FOXN4: variants seen among roughly 807,000 people sequenced by gnomAD.
FOXN4 encodes forkhead box N4.
Under a neutral mutation model 45.0 loss-of-function variants are expected in FOXN4, and 12 were observed. That is an observed-to-expected ratio of 0.27 (90% CI 0.17 to 0.43). The LOEUF is 0.43. Ranked by LOEUF, FOXN4 falls within the 20% of genes least tolerant of loss-of-function variation. FOXN4 has a pLI of 1.00. For missense variants in FOXN4, 560 were observed against 694.9 expected (o/e 0.81, Z 2.18); for synonymous variants, 297 against 295.0 (o/e 1.01, Z -0.07).
At chr12:109,295,659 G>A (rs914138356) in intron 2 of FOXN4, among the ~76,000 whole-genome samples, 16 of 152,374 alleles carry the variant, frequency 1.1e-4, no homozygotes, top group Admixed American at 3.3e-4. Flanking sequence ...GGCGGCGTGC[G>A]CCTGTAATCC....
chr12:109,298,556 T>G (rs1417964921), intron 2 of FOXN4, among the ~76,000 whole-genome samples: 1 of 151,360 alleles, frequency 6.6e-6, no homozygotes, highest in East Asian at 1.9e-4. Context: ...AGAGAGAGAG[T>G]TTCACCACGT....
At position 109,285,519 on chromosome 12, in the gene FOXN4, G is replaced by A. The variant is rs991549980; in HGVS notation, c.694-8C>T. 3 of 1,613,728 alleles carry A rather than the reference G, an allele frequency of 1.9e-6. No individual in the cohort carries two copies. The African/African-American group carries it at 4.0e-5, about 22-fold the overall frequency. ...CCACCCGTCGGGGGCCGTCTATGAA[G>A]ACACATGGGCATTCAGAGGCCTCCC... On this transcript the variant is annotated splice_region_variant and splice_polypyrimidine_tract_variant and intron_variant, in intron 7 of 9. Coordinates refer to ENST00000299162, the MANE Select transcript of FOXN4 (RefSeq NM_213596.3).
intron 8 of FOXN4, among the ~76,000 whole-genome samples, chr12:109,284,674 ATG>A (rs1491189068): frequency 6.9e-6 from 1 of 144,650 alleles, no homozygotes; most frequent in Non-Finnish European, 1.5e-5. Flanking sequence ...GTGTGCGCAC[ATG>A]TGTGTGTGTG....
chr12:109,288,539 C>A lies in FOXN4; in HGVS notation c.233-359G>T, dbSNP rs1407972067. ...AATAATAAATGATAATTGATTATGT[C>A]CTTCATGAAGCTAAAACACCAATTC... On this transcript the variant is annotated intron_variant, in intron 3 of 9. Coordinates refer to ENST00000299162, the MANE Select transcript of FOXN4 (RefSeq NM_213596.3). This position sits in a 1 kb window ranked among gnomAD's most constrained non-coding sequence, Gnocchi z 4.3. 1.3e-5 allele frequency among the ~76,000 whole-genome samples: 2 copies of A among 152,172 alleles called. No homozygotes were observed. The highest frequency in any genetic ancestry group is 2.9e-5 in the Non-Finnish European group (2 of 68,030).
intron 2 of FOXN4, among the ~76,000 whole-genome samples, chr12:109,299,410 G>A (rs866832820): frequency 6.6e-6 from 1 of 151,844 alleles, no homozygotes; most frequent in African/African-American, 2.4e-5. Flanking sequence ...CAACACACAC[G>A]TGCATGTAAA....
Position 109,288,241 on chromosome 12 carries a change from CA to C in FOXN4, c.233-62del. 6.6e-7 allele frequency: 1 copy of C among 1,521,756 alleles called. No individual in the cohort carries two copies. The highest frequency in any genetic ancestry group is 8.8e-7 in the Non-Finnish European group (1 of 1,140,264). 94.3% of individuals were successfully genotyped at this position (1,521,756 alleles called of 1,614,324 possible). ...GAGGAATGGTGGCTGCCACCAGGAA[CA>C]GCCCAGTGCCCAGGTGTCTCCGGAG... On this transcript the variant is annotated intron_variant, in intron 3 of 9. Transcript: ENST00000299162. The surrounding 1 kb of genome is among the most constrained non-coding windows in gnomAD (Gnocchi z 4.3).
In FOXN4 at chr12:109,304,221, GAGAAAGAAAGAAAGAAAGAAAGAAAGAA is replaced by G. The variant is rs58280775; in HGVS notation, c.86+3987_86+4014del. 3.6e-3 allele frequency among the ~76,000 whole-genome samples: 293 copies of G among 82,524 alleles called. 3 individuals carry two copies. Among genetic ancestry groups the G allele is most frequent in the Non-Finnish European group, 4.7e-3 (204 of 43,522 alleles). The allele number at this position is 82,524 out of a possible 152,430, so 54.1% of individuals were successfully genotyped here. ...AAAAAAAGAAAGAAAAGAAAAGAAAGAGAAAGAAAGAAAGAAAGAAAGAAAGAAAGAAAGAAAGAAAGAAAGAAAGAAA... is the reference window on the plus strand; with the variant it reads ...AAAAAAAGAAAGAAAAGAAAAGAAAGAGAAAGAAAGAAAGAAAGAAAGAAA... On this transcript the variant is annotated intron_variant, in intron 2 of 9. Coordinates refer to ENST00000299162, the MANE Select transcript of FOXN4 (RefSeq NM_213596.3).
At chr12:109,304,973 G>C (rs543965682) in intron 2 of FOXN4, among the ~76,000 whole-genome samples, 21 of 152,304 alleles carry the variant, frequency 1.4e-4, no homozygotes, top group African/African-American at 5.1e-4. Flanking sequence ...AAATTGGGTG[G>C]CTCCATTTCA....
chr12:109,281,943 T>G, intron 8 of FOXN4, 144 bp from the exon 9 acceptor site: 1 of 943,608 alleles, frequency 1.1e-6, no homozygotes, highest in Non-Finnish European at 1.5e-6. Context: ...TCCTCACCTA[T>G]GAAATGACAC....
intron 2 of FOXN4, among the ~76,000 whole-genome samples, chr12:109,292,038 C>T (rs2047774347): frequency 1.3e-5 from 2 of 152,340 alleles, no homozygotes; most frequent in African/African-American, 4.8e-5. Flanking sequence ...TCTGTCCCCT[C>T]AGGCCCTGGG....
rs1235267464 is a variant in FOXN4, at chr12:109,279,447, A to G, written c.*224T>C. ...TTGTCCACCTTCCTCCATTCTTCTG[A>G]CTTGGAAGAGCCCCCAGAAACTGCT... On this transcript the variant is annotated 3_prime_UTR_variant, in exon 10 of 10. Coordinates refer to ENST00000299162, the MANE Select transcript of FOXN4 (RefSeq NM_213596.3). 9.4e-6 allele frequency: 6 copies of G among 635,996 alleles called. No homozygotes were observed. The highest frequency in any genetic ancestry group is 1.6e-5 in the Non-Finnish European group (6 of 374,926). 39.4% of individuals were successfully genotyped at this position (635,996 alleles called of 1,614,324 possible).
chr12:109,307,081 G>A (rs969221293), intron 2 of FOXN4, among the ~76,000 whole-genome samples: 6 of 152,242 alleles, frequency 3.9e-5, no homozygotes, highest in Non-Finnish European at 2.9e-5. Flanking sequence ...TCTGCACACA[G>A]CAGGCTCTCT....
At chr12:109,295,737 G>A (rs901605180) in intron 2 of FOXN4, among the ~76,000 whole-genome samples, 1 of 152,248 alleles carries the variant, frequency 6.6e-6, no homozygotes, top group African/African-American at 2.4e-5. Flanking sequence ...AGTGAGCCAA[G>A]ATCATGCCAC....
At chr12:109,285,040 TTTG>T (rs547945834) in intron 8 of FOXN4, among the ~76,000 whole-genome samples, 97 of 149,056 alleles carry the variant, frequency 6.5e-4, no homozygotes, top group African/African-American at 2.3e-3. Context: ...TGTGAGTGCA[TTTG>T]TGTGTGTGCG....
Position 109,286,650 on chromosome 12 carries a change from T to C in FOXN4, c.691A>G (p.Lys231Glu). Reference sequence around the variant, plus strand: ...CCCTACCCTAGCTTGGGACTCACCTTGAAGTAGGGGAAGTGCTCCTTCATG... The same window carrying C: ...CCCTACCCTAGCTTGGGACTCACCTCGAAGTAGGGGAAGTGCTCCTTCATG... ...SFMKEHFPYF[K>E]TAPDGWKNSV... Residue 231 changes from lysine to glutamate, a missense_variant and splice_region_variant, in exon 7 of 10, where the codon AAG becomes GAG. Lys to Glu is a moderately conservative substitution (Grantham distance 56, BLOSUM62 1). This residue lies in a region of FOXN4 where 39 missense variants were observed against 81.7 expected (regional missense o/e 0.48). Coordinates refer to ENST00000299162, the MANE Select transcript of FOXN4 (RefSeq NM_213596.3). The C allele has an allele frequency of 1.2e-6, 2 of 1,608,078 alleles. No individual in the cohort carries two copies. The highest frequency in any genetic ancestry group is 1.7e-6 in the Non-Finnish European group (2 of 1,178,600).
chr12:109,308,448 T>C (rs1195647426), intron 1 of FOXN4, 124 bp from the exon 2 acceptor site: 2 of 605,028 alleles, frequency 3.3e-6, no homozygotes, highest in Non-Finnish European at 5.5e-6. Flanking sequence ...ACTTTTTTTT[T>C]CTTTAAAGAA....
rs1206880316 is a variant in FOXN4, at chr12:109,279,648, C to T, written c.*23G>A. 1.3e-6 allele frequency: 2 copies of T among 1,564,520 alleles called. No homozygotes were observed. The highest frequency in any genetic ancestry group is 1.7e-6 in the Non-Finnish European group (2 of 1,154,550). On this transcript the variant is annotated 3_prime_UTR_variant, in exon 10 of 10. Coordinates refer to ENST00000299162, the MANE Select transcript of FOXN4 (RefSeq NM_213596.3). ...TCTGCCCAAGCCGGGTGCCGGGGTT[C>T]CAGGGCAGGTGAGGCTGACAGCTCA...
chr12:109,287,257 C>G lies in FOXN4; in HGVS notation c.596+140G>C. 8.4e-7 allele frequency: 1 copy of G among 1,188,454 alleles called. No individual in the cohort carries two copies. The highest frequency in any genetic ancestry group is 1.2e-6 in the Non-Finnish European group (1 of 853,316). 73.6% of individuals were successfully genotyped at this position (1,188,454 alleles called of 1,614,324 possible). ...GCGCCTTCCTGAGAACAAGTCCCACCTGGGGGTTCCCCACTCCCCAAAACC... is the reference window on the plus strand; with the variant it reads ...GCGCCTTCCTGAGAACAAGTCCCACGTGGGGGTTCCCCACTCCCCAAAACC... On this transcript the variant is annotated intron_variant, in intron 6 of 9. Coordinates refer to ENST00000299162, the MANE Select transcript of FOXN4 (RefSeq NM_213596.3). This position sits in a 1 kb window ranked among gnomAD's most constrained non-coding sequence, Gnocchi z 4.1.
intron 2 of FOXN4, among the ~76,000 whole-genome samples, chr12:109,305,465 C>T (rs892957069): frequency 1.2e-4 from 18 of 152,298 alleles, no homozygotes; most frequent in Non-Finnish European, 1.3e-4. Context: ...CGGTGGCTCA[C>T]GCCTATAATC....
Sources: gnomAD v4.1 joint callset for allele counts (sites outside exome capture counted in the v4.1 genomes callset) on GRCh38, gnomAD v4.1.1 for gene constraint, gnomAD v4.1.1 regional missense constraint, Gnocchi (gnomAD v3.1) non-coding constraint, MANE v1.5 for transcripts, NCBI Gene and HGNC (gene_info 2026-07-23, HGNC 2026-07-21) for gene names.